CACNA1A: variants seen among roughly 807,000 people sequenced by gnomAD.
CACNA1A encodes the protein voltage-dependent P/Q-type calcium channel subunit alpha-1A.
Under a neutral mutation model 262.4 loss-of-function variants are expected in CACNA1A, and 57 were observed. The observed-to-expected ratio is 0.22, with a 90% CI of 0.18 to 0.27. CACNA1A has a LOEUF of 0.27. CACNA1A is among the 10% of genes least tolerant of loss of function. The probability of loss-of-function intolerance (pLI) is 1.00; values close to 1 mark genes in which losing one functional copy is unlikely to be tolerated. For missense variants in CACNA1A, 2,526 were observed against 3,562.8 expected (o/e 0.71, Z 7.41); for synonymous variants, 1,431 against 1,419.3 (o/e 1.01, Z -0.18).
chr19:13,255,303 A>T (rs1162025450), intron 28 of CACNA1A, 44 bp from the exon 29 acceptor site: 2 of 1,528,674 alleles, frequency 1.3e-6, no homozygotes, highest in African/African-American at 2.7e-5. Flanking sequence ...AGGCAGGAGG[A>T]AGGTGGCTGT....
chr19:13,399,583 G>C (rs536946314), intron 3 of CACNA1A, among the ~76,000 whole-genome samples: 1 of 152,148 alleles, frequency 6.6e-6, no homozygotes, highest in African/African-American at 2.4e-5. Context: ...AGCACGACCA[G>C]TTCTCATTTT....
At chr19:13,466,427 A>G (rs2061240283) in intron 1 of CACNA1A, among the ~76,000 whole-genome samples, 2 of 150,456 alleles carry the variant, frequency 1.3e-5, no homozygotes, top group Middle Eastern at 6.8e-3. Context: ...TGCAGCCTCC[A>G]TTTCCTGGGT....
intron 1 of CACNA1A, among the ~76,000 whole-genome samples, chr19:13,461,387 C>CA (rs995931258): frequency 6.1e-4 from 81 of 131,936 alleles, no homozygotes; most frequent in African/African-American, 2.3e-3. Context: ...AAACAAAAAT[C>CA]ACCGGTGGAG....
intron 1 of CACNA1A, among the ~76,000 whole-genome samples, chr19:13,481,570 G>T (rs866266246): frequency 6.6e-6 from 1 of 152,182 alleles, no homozygotes; most frequent in East Asian, 1.9e-4. Flanking sequence ...TGTTACAGCC[G>T]CTGGGCTGAC....
At chr19:13,304,519 G>A (rs1029644862) in intron 15 of CACNA1A, among the ~76,000 whole-genome samples, 4 of 151,934 alleles carry the variant, frequency 2.6e-5, no homozygotes, top group African/African-American at 9.7e-5. Context: ...CTACTCAAGG[G>A]GCTGAGGTGG....
intron 1 of CACNA1A, among the ~76,000 whole-genome samples, chr19:13,459,110 G>A (rs1295248706): frequency 6.6e-6 from 1 of 152,096 alleles, no homozygotes; most frequent in Non-Finnish European, 1.5e-5. Context: ...GTCCCCTGGG[G>A]GCACTGAAAT....
intron 24 of CACNA1A, among the ~76,000 whole-genome samples, chr19:13,265,660 C>T (rs2144785434): frequency 6.6e-6 from 1 of 152,182 alleles, no homozygotes; most frequent in East Asian, 1.9e-4. Context: ...CTTTTTCTTT[C>T]TTTCTTTTTT....
chr19:13,283,255 T>TG lies in CACNA1A; in HGVS notation c.3822+11dup. 6.2e-7 allele frequency: 1 copy of TG among 1,613,374 alleles called. No individual in the cohort carries two copies. Among genetic ancestry groups the TG allele is most frequent in the Non-Finnish European group, 8.5e-7 (1 of 1,179,412 alleles). ...AGCCAGGCTAGGAAGGGGTGTGCTC[T>TG]GTGGGACTCACGTTGTTCCGAGGTG... On this transcript the variant is annotated intron_variant, in intron 22 of 46. Transcript: ENST00000360228.
intron 3 of CACNA1A, among the ~76,000 whole-genome samples, chr19:13,383,454 T>G (rs1202364556): frequency 6.6e-6 from 1 of 152,206 alleles, no homozygotes; most frequent in Non-Finnish European, 1.5e-5. Flanking sequence ...CGTCACTCCT[T>G]AGTTAAAATC....
chr19:13,355,525 G>A (rs1257738420), intron 6 of CACNA1A, among the ~76,000 whole-genome samples: 1 of 152,156 alleles, frequency 6.6e-6, no homozygotes, highest in East Asian at 1.9e-4. Context: ...TTAACCCTGC[G>A]GGCAACCAGA....
rs746428515 is a variant in CACNA1A at position 13,298,824 on chromosome 19, C to A, written c.2809G>T (p.Gly937Trp). 2 of 1,574,494 alleles carry A rather than the reference C, an allele frequency of 1.3e-6. No homozygotes were observed. Among genetic ancestry groups the A allele is most frequent in the Admixed American group, 1.7e-5 (1 of 57,602 alleles). ...DPHRRHVHRQ[G>W]GSRESRSGSP... ...CCGCTGCGGCTCTCCCTGCTGCCCC[C>A]CTGCCGGTGCACGTGCCTCCGGTGG... The change falls in exon 19 of 47, where the codon GGG becomes TGG. Residue 937 changes from glycine to tryptophan, a missense_variant. Physicochemically the swap from Gly to Trp is radical, Grantham distance 184 (BLOSUM62 -2). Transcript: ENST00000360228.
intron 22 of CACNA1A, among the ~76,000 whole-genome samples, chr19:13,282,255 C>T (rs574906622): frequency 6.6e-6 from 1 of 152,158 alleles, no homozygotes; most frequent in Admixed American, 6.5e-5. Flanking sequence ...TGGGTCCTAA[C>T]CTACTTAGCC....
At chr19:13,394,659 T>G (rs1012169237) in intron 3 of CACNA1A, among the ~76,000 whole-genome samples, 5 of 152,180 alleles carry the variant, frequency 3.3e-5, no homozygotes, top group Admixed American at 3.3e-4. Flanking sequence ...TCCAAAGCCC[T>G]GTTCACAGCA....
At chr19:13,265,979 G>A (rs2056851925) in intron 24 of CACNA1A, among the ~76,000 whole-genome samples, 1 of 151,976 alleles carries the variant, frequency 6.6e-6, no homozygotes, top group Non-Finnish European at 1.5e-5. Context: ...CGAGTAGCTG[G>A]GATTACAGGC....
chr19:13,412,970 A>G (rs556174762), intron 3 of CACNA1A, among the ~76,000 whole-genome samples: 80 of 152,222 alleles, frequency 5.3e-4, no homozygotes, highest in Admixed American at 1.2e-3. Context: ...GTGGGTTAGG[A>G]CCAGGTGTGG....
At chr19:13,440,064 ATCC>A (rs1250012509) in intron 3 of CACNA1A, among the ~76,000 whole-genome samples, 2 of 152,180 alleles carry the variant, frequency 1.3e-5, no homozygotes, top group Admixed American at 6.5e-5. Flanking sequence ...GGCTCAAGCA[ATCC>A]TCCTGCCTCA....
chr19:13,487,242 C>CAGA (rs1980124792), intron 1 of CACNA1A, among the ~76,000 whole-genome samples: 1 of 152,186 alleles, frequency 6.6e-6, no homozygotes, highest in Non-Finnish European at 1.5e-5. Context: ...CACAGGAGAG[C>CAGA]AGAACATGGA....
chr19:13,272,128 G>C (rs535808873), intron 24 of CACNA1A: 1 of 152,442 alleles, frequency 6.6e-6, no homozygotes, highest in East Asian at 1.9e-4. Context: ...GGTCTGAGAG[G>C]AAAGTGACAT....
At chr19:13,500,175 A>G (rs1982205577) in intron 1 of CACNA1A, among the ~76,000 whole-genome samples, 1 of 152,258 alleles carries the variant, frequency 6.6e-6, no homozygotes, top group Non-Finnish European at 1.5e-5. Flanking sequence ...ACAAGGGTAG[A>G]TCAGATAGAT....
Sources: gnomAD v4.1 joint callset for allele counts (sites outside exome capture counted in the v4.1 genomes callset) on GRCh38, gnomAD v4.1.1 for gene constraint, MANE v1.5 for transcripts, NCBI Gene and HGNC (gene_info 2026-07-23, HGNC 2026-07-21) for gene names.